Variants in CPNE8 observed in about 807,000 individuals in gnomAD.
CPNE8 encodes copine-8.
In CPNE8, 45 loss-of-function variants were observed where a neutral mutation model predicts 81.5. The observed-to-expected ratio is 0.55, with a 90% CI of 0.44 to 0.71. CPNE8 has a LOEUF of 0.71. CPNE8 is among the 30% of genes least tolerant of loss of function. The pLI, the probability that CPNE8 is intolerant of heterozygous loss-of-function variation, is 0.00. For synonymous variants in CPNE8, 252 were observed against 226.3 expected, an observed-to-expected ratio of 1.11 and a Z score of -1.02; for missense variants, 594 against 672.1, an observed-to-expected ratio of 0.88 and a Z score of 1.28.
intron 1 of CPNE8, among the ~76,000 whole-genome samples, chr12:38,891,489 C>T (rs899683250): frequency 6.6e-6 from 1 of 151,406 alleles, no homozygotes; most frequent in African/African-American, 2.4e-5. Flanking sequence ...CTTTTGTTGC[C>T]CAGGCTGGAA....
intron 14 of CPNE8, 144 bp from the exon 15 acceptor site, chr12:38,693,982 A>G (rs1168239259): frequency 1.9e-6 from 1 of 532,150 alleles, no homozygotes; most frequent in African/African-American, 2.0e-5. Context: ...TTCTTTTTGG[A>G]TGGATATTAA....
chr12:38,842,252 G>T (rs1176950029), intron 4 of CPNE8, among the ~76,000 whole-genome samples: 4 of 152,048 alleles, frequency 2.6e-5, no homozygotes, highest in Non-Finnish European at 5.9e-5. Flanking sequence ...TTAAAGGTAA[G>T]ATTGAAATTA....
At chr12:38,695,950 C>CACAA (rs891213658) in intron 14 of CPNE8, among the ~76,000 whole-genome samples, 4 of 152,128 alleles carry the variant, frequency 2.6e-5, no homozygotes, top group South Asian at 2.1e-4. Context: ...CAAAAACAAA[C>CACAA]ACAAACAAAC....
chr12:38,895,048 T>C (rs994765155), intron 1 of CPNE8, among the ~76,000 whole-genome samples: 3 of 152,116 alleles, frequency 2.0e-5, no homozygotes, highest in African/African-American at 7.2e-5. Flanking sequence ...CTCTCTGACA[T>C]TTGAGATTGT....
At chr12:38,791,177 CTT>C (rs1311083531) in intron 6 of CPNE8, among the ~76,000 whole-genome samples, 1 of 151,650 alleles carries the variant, frequency 6.6e-6, no homozygotes, top group Admixed American at 6.6e-5. Context: ...GTAGTTTCAT[CTT>C]TCCCAACCCC....
intron 13 of CPNE8, among the ~76,000 whole-genome samples, chr12:38,715,350 T>A (rs1386860343): frequency 6.6e-6 from 1 of 152,112 alleles, no homozygotes; most frequent in East Asian, 1.9e-4. Context: ...TAATTGTTGT[T>A]AATGATATCT....
chr12:38,695,743 A>G (rs1271077182), intron 14 of CPNE8, among the ~76,000 whole-genome samples: 1 of 152,176 alleles, frequency 6.6e-6, no homozygotes, highest in Non-Finnish European at 1.5e-5. Context: ...GTTTGCAACC[A>G]GCCTGGCCAA....
chr12:38,702,798 T>A (rs1159012849), intron 14 of CPNE8, 77 bp downstream of exon 14: 2 of 855,514 alleles, frequency 2.3e-6, no homozygotes, highest in Non-Finnish European at 3.6e-6. Context: ...AGAAATAAAT[T>A]AACACTTATG....
chr12:38,757,805 A>G (rs1425923071), intron 10 of CPNE8, among the ~76,000 whole-genome samples: 2 of 151,972 alleles, frequency 1.3e-5, no homozygotes, highest in Admixed American at 6.6e-5. Flanking sequence ...TAATTATTCT[A>G]TTAATCATAT....
Position 38,799,280 on chromosome 12 carries a change from G to A in CPNE8, c.408-22979C>T, listed in dbSNP as rs1271692915. Reference sequence around the variant, plus strand: ...AGCACACCACACCTATTCCAAAATTGACCACATACTTGGAAGTAAAGCTCT... The same window carrying A: ...AGCACACCACACCTATTCCAAAATTAACCACATACTTGGAAGTAAAGCTCT... On this transcript the variant is annotated intron_variant, in intron 6 of 19. Coordinates refer to ENST00000331366, the MANE Select transcript of CPNE8 (RefSeq NM_153634.3). 1.3e-5 allele frequency among the ~76,000 whole-genome samples: 2 copies of A among 151,936 alleles called. 1 individual carries two copies. The highest frequency in any genetic ancestry group is 4.2e-4 in the South Asian group (2 of 4,808).
chr12:38,798,389 A>G (rs1336586374), intron 6 of CPNE8, among the ~76,000 whole-genome samples: 2 of 152,200 alleles, frequency 1.3e-5, no homozygotes, highest in African/African-American at 4.8e-5. Context: ...AGTGGGGGCC[A>G]ATATTCAACT....
chr12:38,776,533 C>T (rs1304217245), intron 6 of CPNE8, among the ~76,000 whole-genome samples: 1 of 151,812 alleles, frequency 6.6e-6, no homozygotes, highest in Non-Finnish European at 1.5e-5. Flanking sequence ...TGGTCTCAAA[C>T]TCCTGACCTC....
At chr12:38,765,323 G>A (rs1037539314) in intron 8 of CPNE8, among the ~76,000 whole-genome samples, 1 of 151,878 alleles carries the variant, frequency 6.6e-6, no homozygotes. Context: ...TTGAATAACT[G>A]GTATTAAGAT....
chr12:38,777,840 A>G (rs1333881185), intron 6 of CPNE8, among the ~76,000 whole-genome samples: 1 of 152,138 alleles, frequency 6.6e-6, no homozygotes, highest in Non-Finnish European at 1.5e-5. Flanking sequence ...GCTGAGCCTC[A>G]TCTGTTTTCA....
intron 19 of CPNE8, among the ~76,000 whole-genome samples, chr12:38,660,145 C>T (rs182807915): frequency 6.6e-6 from 1 of 152,306 alleles, no homozygotes; most frequent in Admixed American, 6.5e-5. Context: ...AAAAAAGAGA[C>T]CACATTGCCA....
chr12:38,868,009 T>A (rs1943939981), intron 3 of CPNE8, among the ~76,000 whole-genome samples: 1 of 152,154 alleles, frequency 6.6e-6, no homozygotes, highest in South Asian at 2.1e-4. Flanking sequence ...TTTCAATACA[T>A]TTTTAAGCTT....
chr12:38,734,902 G>A (rs1684413), intron 10 of CPNE8, among the ~76,000 whole-genome samples: 84,010 of 151,916 alleles, frequency 0.55, 23,783 homozygotes, highest in East Asian at 0.81. Flanking sequence ...AGTTACACAC[G>A]CATGTGGCTT....
intron 14 of CPNE8, among the ~76,000 whole-genome samples, chr12:38,695,139 C>T (rs534195134): frequency 1.3e-5 from 2 of 152,278 alleles, no homozygotes; most frequent in South Asian, 4.1e-4. Flanking sequence ...AGACCCTGAC[C>T]GCTCTTTTCT....
intron 8 of CPNE8, 151 bp downstream of exon 8, chr12:38,767,484 C>A (rs183472526): frequency 4.2e-6 from 2 of 472,520 alleles, no homozygotes; most frequent in East Asian, 3.7e-5. Context: ...TAAAGTTGCA[C>A]AATATTTTGA....
Sources: gnomAD v4.1 joint callset for allele counts (sites outside exome capture counted in the v4.1 genomes callset) on GRCh38, gnomAD v4.1.1 for gene constraint, MANE v1.5 for transcripts, NCBI Gene and HGNC (gene_info 2026-07-23, HGNC 2026-07-21) for gene names.